PSG4: variants seen among roughly 807,000 people sequenced by gnomAD.
The protein encoded by PSG4 is pregnancy specific beta-1-glycoprotein 4.
A neutral mutation model predicts 44.3 loss-of-function variants in PSG4; 61 were observed. That is an observed-to-expected ratio of 1.38 (90% CI 1.12 to 1.70). The LOEUF (loss-of-function observed/expected upper bound fraction) is 1.70, where lower values mean the gene tolerates loss of function less well. Ranked by LOEUF, PSG4 falls within the 40% of genes most tolerant of loss-of-function variation. The pLI, the probability that PSG4 is intolerant of heterozygous loss-of-function variation, is 0.00. For missense variants in PSG4, 677 were observed against 511.7 expected (o/e 1.32, Z -3.12); for synonymous variants, 248 against 191.3 (o/e 1.30, Z -2.45).
intron 4 of PSG4, 157 bp downstream of exon 4, chr19:43,194,838 C>A (rs1205146226): frequency 2.0e-6 from 3 of 1,483,958 alleles, no homozygotes; most frequent in Non-Finnish European, 2.7e-6. Flanking sequence ...AAGGCTGTGC[C>A]TACCTAGGTT....
chr19:43,195,226 CT>C lies in PSG4; in HGVS notation c.756del (p.Glu253ArgfsTer6). ...PYITINNLNP[R>X]ENKDVLTFTC... Reference sequence around the variant, plus strand: ...GTGAAGGTTAAGACATCCTTATTCTCTCTGGGGTTTAAGTTGTTGATTGTGA... The same window carrying C: ...GTGAAGGTTAAGACATCCTTATTCTCCTGGGGTTTAAGTTGTTGATTGTGA... On this transcript the variant is annotated frameshift_variant, in exon 4 of 6. Coordinates refer to ENST00000405312, the MANE Select transcript of PSG4 (RefSeq NM_002780.5). LOFTEE classifies it high-confidence loss of function. 6.2e-7 allele frequency: 1 copy of C among 1,610,386 alleles called. No homozygotes were observed. The highest frequency in any genetic ancestry group is 2.2e-4 in the Middle Eastern group (1 of 4,544).
In PSG4 at chr19:43,205,308, A is replaced by T. The variant is rs1261959547; in HGVS notation, c.64+165T>A. 3.1e-4 allele frequency among the ~76,000 whole-genome samples: 44 copies of T among 142,526 alleles called. 6 individuals carry two copies. The highest frequency in any genetic ancestry group is 2.1e-3 in the Admixed American group (30 of 14,360). 93.5% of individuals were successfully genotyped at this position (142,526 alleles called of 152,430 possible). On this transcript the variant is annotated intron_variant, in intron 1 of 5. Transcript: ENST00000405312. ...GTTTTTAGTAGAGACAGGGCTTCAC[A>T]GTGTTGGCCAGACTGATCTTGAACT...
At position 43,195,179 on chromosome 19, in the gene PSG4, G is replaced by C; in HGVS notation, c.804C>G (p.Asn268Lys). 4 of 1,610,258 alleles carry C rather than the reference G, an allele frequency of 2.5e-6. 1 individual carries two copies. The highest frequency in any genetic ancestry group is 2.7e-5 in the African/African-American group (2 of 74,546). The part of the protein sequence containing the change: ...LTFTCEPKSK[N>K]YTYIWWLNGQ... ...CATTTAGCCACCAAATGTAGGTGTA[G>C]TTCTTACTCTTAGGTTCACAGGTGA... Residue 268 changes from asparagine (N) to lysine (K), a missense_variant, in exon 4 of 6, where the codon AAC (asparagine) becomes AAG (lysine). Asn to Lys is a moderately conservative substitution (Grantham distance 94). Coordinates refer to ENST00000405312, the MANE Select transcript of PSG4 (RefSeq NM_002780.5).
intron 5 of PSG4, chr19:43,194,139 G>C (rs1568382370): frequency 6.9e-7 from 1 of 1,445,864 alleles, no homozygotes; most frequent in South Asian, 1.4e-5. Flanking sequence ...GTCTAGGCTG[G>C]GAATTTTAAG....
At chr19:43,200,320 A>C (rs1193440579) in intron 2 of PSG4, among the ~76,000 whole-genome samples, 1 of 144,850 alleles carries the variant, frequency 6.9e-6, no homozygotes, top group Non-Finnish European at 1.5e-5. Context: ...CTGGTCCGCA[A>C]CACCACCAGT....
At position 43,200,216 on chromosome 19, in the gene PSG4, A is replaced by C. The variant is rs536669935; in HGVS notation, c.431-1941T>G. On this transcript the variant is annotated intron_variant, in intron 2 of 5. Transcript: ENST00000405312. ...CTCGTGTGTCTGCCCACGTGAAGAA[A>C]TCCAACTTATGAAAATGGCATCATC... Among the ~76,000 whole-genome samples, 8 of 144,862 alleles carry C rather than the reference A, an allele frequency of 5.5e-5. 2 individuals are homozygous for C. The highest frequency in any genetic ancestry group is 2.7e-4 in the Admixed American group (4 of 14,580).
chr19:43,195,504 A>T (rs1405847804), intron 3 of PSG4, among the ~76,000 whole-genome samples: 1 of 151,476 alleles, frequency 6.6e-6, no homozygotes, highest in East Asian at 1.9e-4. Context: ...TCAATTGAGC[A>T]GCAGTGTTGG....
rs1946958572 is a variant in PSG4 at position 43,194,034 on chromosome 19, A to T, written c.1243+306T>A. 26 of 1,053,248 alleles carry T rather than the reference A, an allele frequency of 2.5e-5. 1 individual carries two copies. In the South Asian group the frequency reaches 4.2e-4, roughly 17 times the overall value. 65.2% of individuals were successfully genotyped at this position (1,053,248 alleles called of 1,614,324 possible). A position where few individuals can be genotyped will look rare whatever the true frequency, so the allele number is the denominator to read the frequency against. Reference sequence around the variant, plus strand: ...ATTCCATAAATCTAGAAAACAAACCATTTAAAGAATCAGCAAATTTTCAAA... The same window carrying T: ...ATTCCATAAATCTAGAAAACAAACCTTTTAAAGAATCAGCAAATTTTCAAA... On this transcript the variant is annotated intron_variant, in intron 5 of 5. Coordinates refer to ENST00000405312, the MANE Select transcript of PSG4 (RefSeq NM_002780.5).
rs765786331 is a variant in PSG4 at position 43,195,255 on chromosome 19, T to C, written c.728A>G (p.Tyr243Cys). ...GGGGTTTAAGTTGTTGATTGTGATG[T>C]AGGGCTTGGACAGCTTTGCTGTGTG... ...LNLLPKLSKP[Y>C]ITINNLNPRE... Residue 243 changes from tyrosine (Y) to cysteine (C), a missense_variant, in exon 4 of 6, where the codon TAC becomes TGC. Transcript: ENST00000405312. 18 of 1,610,540 alleles carry C rather than the reference T, an allele frequency of 1.1e-5. 2 individuals carry two copies. Among genetic ancestry groups the C allele is most frequent in the Non-Finnish European group, 1.5e-5 (18 of 1,178,954 alleles).
intron 4 of PSG4, 196 bp from the exon 5 acceptor site, chr19:43,194,790 C>G (rs544737071): frequency 1.4e-6 from 2 of 1,419,246 alleles, no homozygotes; most frequent in Admixed American, 2.6e-5. Flanking sequence ...CCCAAGTCTC[C>G]CATGACAAGA....
At position 43,198,186 on chromosome 19, in the gene PSG4, G is replaced by T. The variant is rs759940767; in HGVS notation, c.520C>A (p.Pro174Thr). 3 of 1,587,808 alleles carry T rather than the reference G, an allele frequency of 1.9e-6. No homozygotes were observed. The highest frequency in any genetic ancestry group is 2.6e-6 in the Non-Finnish European group (3 of 1,171,866). Reference sequence around the variant, plus strand: ...ATCCACCACTGGTAGCTTGCGGCTGGAGTCGCAGGATCACAGGTTAAGATC... The same window carrying T: ...ATCCACCACTGGTAGCTTGCGGCTGTAGTCGCAGGATCACAGGTTAAGATC... ...AVILTCDPAT[P>T]AASYQWWMNG... Residue 174 changes from proline to threonine, a missense_variant, in exon 3 of 6, where the codon CCA becomes ACA. Physicochemically the swap from Pro to Thr is conservative, Grantham distance 38. Transcript: ENST00000405312.
chr19:43,195,595 C>T (rs908523482), intron 3 of PSG4, among the ~76,000 whole-genome samples: 27 of 151,392 alleles, frequency 1.8e-4, no homozygotes, highest in African/African-American at 5.8e-4. Flanking sequence ...CTTGCTGGCT[C>T]ACCTTGGGTT....
rs1279768760 is a variant in PSG4 at position 43,193,402 on chromosome 19, A to T, written c.1244-14T>A. The stretch of plus-strand genomic sequence containing the variant: ...GTAATATCCAGTCTACAGGTGGATA[A>T]TAAAAACACAGAAACAATGAACAGA... On this transcript the variant is annotated splice_polypyrimidine_tract_variant and intron_variant, in intron 5 of 5. Coordinates refer to ENST00000405312, the MANE Select transcript of PSG4 (RefSeq NM_002780.5). The T allele has an allele frequency of 2.6e-6, 2 of 769,344 alleles. 1 individual carries two copies. The highest frequency in any genetic ancestry group is 4.8e-6 in the Non-Finnish European group (2 of 417,612). The allele number at this position is 769,344 out of a possible 1,614,324, so 47.7% of individuals were successfully genotyped here.
intron 2 of PSG4, among the ~76,000 whole-genome samples, chr19:43,200,372 C>G (rs2122340841): frequency 1.2e-5 from 1 of 85,388 alleles, no homozygotes; most frequent in East Asian, 1.1e-3. Context: ...AGTTGTCCCA[C>G]AACTACAAAA....
Position 43,205,360 on chromosome 19 carries a change from G to C in PSG4, c.64+113C>G. ...CTGATCTCCTGATCCACCCAACTCAGCCTCCCAAAGTGCTGGCTTCTTTCA... is the reference window on the plus strand; with the variant it reads ...CTGATCTCCTGATCCACCCAACTCACCCTCCCAAAGTGCTGGCTTCTTTCA... On this transcript the variant is annotated intron_variant, in intron 1 of 5. Coordinates refer to ENST00000405312, the MANE Select transcript of PSG4 (RefSeq NM_002780.5). 3 of 1,272,614 alleles carry C rather than the reference G, an allele frequency of 2.4e-6. 1 individual carries two copies. The South Asian group carries it at 3.7e-5, about 16-fold the overall frequency. The allele number at this position is 1,272,614 out of a possible 1,614,324, so 78.8% of individuals were successfully genotyped here. A position where few individuals can be genotyped will look rare whatever the true frequency, so the allele number is the denominator to read the frequency against.
At position 43,195,746 on chromosome 19, in the gene PSG4, C is replaced by G. The variant is rs976773816; in HGVS notation, c.710-473G>C. Among the ~76,000 whole-genome samples the G allele has an allele frequency of 3.3e-5, 5 of 150,844 alleles. 1 individual carries two copies. The highest frequency in any genetic ancestry group is 7.4e-5 in the Non-Finnish European group (5 of 67,740). ...TGGGACTTCCCATTGTCCTGAAACC[C>G]TGAAGATACTGAGCAGTCTGGCCTG... is the stretch of plus-strand genomic sequence containing the variant. On this transcript the variant is annotated intron_variant, in intron 3 of 5. Coordinates refer to ENST00000405312, the MANE Select transcript of PSG4 (RefSeq NM_002780.5).
rs1967667056 is a variant in PSG4, at chr19:43,204,451, C to G, written c.65-200G>C. ...TAGGTCAAGATCAGCAGCATGACCC[C>G]CATTCCTTCAACACTTCTGACCTTG... On this transcript the variant is annotated intron_variant, in intron 1 of 5. Transcript: ENST00000405312. 2.2e-5 allele frequency: 17 copies of G among 778,572 alleles called. No homozygotes were observed. In the South Asian group the frequency reaches 3.7e-4, roughly 17 times the overall value. 48.2% of individuals were successfully genotyped at this position (778,572 alleles called of 1,614,324 possible). A position where few individuals can be genotyped will look rare whatever the true frequency, so the allele number is the denominator to read the frequency against.
chr19:43,204,233 CAGA>C lies in PSG4; in HGVS notation c.80_82del (p.Phe27del). ...GACTTGGGCAGTTGTGGGCGGATTC[CAGA>C]AGTTTAAAAGTGATGCTAGGAGGTA... On this transcript the variant is annotated inframe_deletion, in exon 2 of 6. Coordinates refer to ENST00000405312, the MANE Select transcript of PSG4 (RefSeq NM_002780.5). 1.3e-6 allele frequency: 2 copies of C among 1,577,936 alleles called. 1 individual carries two copies. Among genetic ancestry groups the C allele is most frequent in the South Asian group, 2.3e-5 (2 of 88,676 alleles).
At position 43,204,168 on chromosome 19, in the gene PSG4, C is replaced by T. The variant is rs550417031; in HGVS notation, c.148G>A (p.Asp50Asn). 1.2e-5 allele frequency: 19 copies of T among 1,586,926 alleles called. 3 individuals carry two copies. The African/African-American group carries it at 2.2e-4, about 18-fold the overall frequency. The change falls in exon 2 of 6, where the codon GAT becomes AAT. Residue 50 changes from aspartate to asparagine, a missense_variant. Asp to Asn is a conservative substitution (Grantham distance 23). Transcript: ENST00000405312. The stretch of plus-strand genomic sequence containing the variant: ...AAATTGTGGACAAGTAGAAGAACAT[C>T]CTTCCCCTCAGAAACTTTGGGTGGC... ...AQPPKVSEGK[D>N]VLLLVHNLPQ...
Sources: allele counts gnomAD v4.1 joint callset (sites outside exome capture counted in the v4.1 genomes callset), GRCh38; gene constraint gnomAD v4.1.1; transcripts MANE v1.5; gene names NCBI Gene and HGNC (gene_info 2026-07-23, HGNC 2026-07-21).